Variants in GRIN2B observed in about 807,000 individuals in gnomAD.
The protein encoded by GRIN2B is glutamate receptor ionotropic, NMDA 2B.
GRIN2B carries 5 observed loss-of-function variants against 114.5 expected under a neutral mutation model. The ratio of observed to expected loss-of-function variants is 0.04; its 90% confidence interval spans 0.02 to 0.09. The LOEUF (loss-of-function observed/expected upper bound fraction) is 0.09. Ranked by LOEUF, GRIN2B falls within the 10% of genes least tolerant of loss-of-function variation. The pLI is 1.00. For synonymous variants in GRIN2B, 787 were observed against 745.1 expected, an observed-to-expected ratio of 1.06 and a Z score of -0.92; for missense variants, 1,108 against 1,943.5, an observed-to-expected ratio of 0.57 and a Z score of 8.08.
rs188453243 is a variant in GRIN2B, at chr12:13,538,006, T to C, written c.*24777A>G. On this transcript the variant is annotated 3_prime_UTR_variant, in exon 14 of 14. Transcript: ENST00000609686. ...CCCATCTTCTTGGTCATTCCAGAAT[T>C]CCACAAGAAATTTCTTTCAGAGGAT... 17 of 152,350 alleles carry C rather than the reference T, an allele frequency of 1.1e-4. No individual in the cohort carries two copies. The highest frequency in any genetic ancestry group is 3.4e-4 in the African/African-American group (14 of 41,580). 9.4% of individuals were successfully genotyped at this position (152,350 alleles called of 1,614,324 possible). A position where few individuals can be genotyped will look rare whatever the true frequency, so the allele number is the denominator to read the frequency against.
chr12:13,759,423 A>G (rs1331541470), intron 3 of GRIN2B, among the ~76,000 whole-genome samples: 1 of 152,214 alleles, frequency 6.6e-6, no homozygotes, highest in Non-Finnish European at 1.5e-5. Flanking sequence ...TGTTGTAGCC[A>G]GCCAGAGTGG....
chr12:13,963,982 T>G lies in GRIN2B; in HGVS notation c.-19+15946A>C, dbSNP rs1246303014. Among the ~76,000 whole-genome samples, 4 of 152,090 alleles carry G rather than the reference T, an allele frequency of 2.6e-5. No homozygotes were observed. The East Asian group carries it at 7.7e-4, about 29-fold the overall frequency. On this transcript the variant is annotated intron_variant, in intron 2 of 13. Coordinates refer to ENST00000609686, the MANE Select transcript of GRIN2B (RefSeq NM_000834.5). The stretch of plus-strand genomic sequence containing the variant: ...GAGGGGAGGAGAACCTTACGAGAAA[T>G]TTTAAGAAATCTTCACCCTGGGGTC...
intron 3 of GRIN2B, among the ~76,000 whole-genome samples, chr12:13,838,918 C>T (rs1490311775): frequency 6.6e-6 from 1 of 152,214 alleles, no homozygotes; most frequent in Non-Finnish European, 1.5e-5. Context: ...CATTCACATA[C>T]TCATGTTCAC....
intron 4 of GRIN2B, among the ~76,000 whole-genome samples, chr12:13,689,468 C>G (rs1950197342): frequency 6.6e-6 from 1 of 152,152 alleles, no homozygotes; most frequent in Non-Finnish European, 1.5e-5. Flanking sequence ...TCCAAAACTT[C>G]CCTTTCTTTA....
intron 2 of GRIN2B, among the ~76,000 whole-genome samples, chr12:13,898,724 C>A (rs377253506): frequency 1.3e-5 from 2 of 152,160 alleles, no homozygotes; most frequent in African/African-American, 4.8e-5. Flanking sequence ...CCAGCCTGAC[C>A]GACATGGAGA....
chr12:13,958,347 C>A (rs1353056271), intron 2 of GRIN2B, among the ~76,000 whole-genome samples: 1 of 152,198 alleles, frequency 6.6e-6, no homozygotes, highest in Non-Finnish European at 1.5e-5. Flanking sequence ...CAAACGCCAG[C>A]ACAGTCCTGA....
intron 3 of GRIN2B, among the ~76,000 whole-genome samples, chr12:13,795,560 T>A (rs1225084994): frequency 6.6e-6 from 1 of 152,222 alleles, no homozygotes; most frequent in Non-Finnish European, 1.5e-5. Flanking sequence ...AAATACCATT[T>A]GACCCAGCGA....
chr12:13,927,493 A>G (rs1347933755), intron 2 of GRIN2B, among the ~76,000 whole-genome samples: 1 of 152,176 alleles, frequency 6.6e-6, no homozygotes, highest in Non-Finnish European at 1.5e-5. Context: ...CTACTAAACA[A>G]GCAGATGTGG....
intron 3 of GRIN2B, among the ~76,000 whole-genome samples, chr12:13,773,083 G>A (rs1863937036): frequency 6.6e-6 from 1 of 152,118 alleles, no homozygotes. Context: ...GGGTTGGAGG[G>A]GACAGTTAGA....
chr12:13,752,479 T>C (rs566347609), intron 4 of GRIN2B, among the ~76,000 whole-genome samples: 2 of 152,352 alleles, frequency 1.3e-5, no homozygotes, highest in African/African-American at 4.8e-5. Context: ...TCACTTTTAT[T>C]TCTAAAACAC....
chr12:13,889,233 T>C (rs757777737), intron 2 of GRIN2B, among the ~76,000 whole-genome samples: 5 of 152,180 alleles, frequency 3.3e-5, no homozygotes, highest in Non-Finnish European at 7.3e-5. Context: ...CTTAGCTCCA[T>C]TATCATCTTA....
chr12:13,563,365 C>G lies in GRIN2B; in HGVS notation c.3873G>C (p.Gln1291His). The change falls in exon 14 of 14, where the codon CAG becomes CAC. Residue 1291 changes from glutamine to histidine, a missense_variant. Physicochemically the swap from Gln to His is conservative, Grantham distance 24. Coordinates refer to ENST00000609686, the MANE Select transcript of GRIN2B (RefSeq NM_000834.5). Reference protein sequence around the residue: ...YPQSPTNSKAQKKNRNKLRRQ... With the variant: ...YPQSPTNSKAHKKNRNKLRRQ... Reference sequence around the variant, plus strand: ...GGCGCAGTTTGTTCCGGTTCTTCTTCTGGGCCTTGGAATTAGTCGGGCTCT... The same window carrying G: ...GGCGCAGTTTGTTCCGGTTCTTCTTGTGGGCCTTGGAATTAGTCGGGCTCT... The G allele has an allele frequency of 6.2e-7, 1 of 1,614,218 alleles. No homozygotes were observed. The highest frequency in any genetic ancestry group is 8.5e-7 in the Non-Finnish European group (1 of 1,180,050).
At chr12:13,737,205 A>G (rs1319864889) in intron 4 of GRIN2B, among the ~76,000 whole-genome samples, 1 of 151,774 alleles carries the variant, frequency 6.6e-6, no homozygotes, top group Non-Finnish European at 1.5e-5. Context: ...AAGCTCATAT[A>G]ATATCTTTTT....
chr12:13,708,599 T>C (rs1207651812), intron 4 of GRIN2B, among the ~76,000 whole-genome samples: 2 of 152,066 alleles, frequency 1.3e-5, no homozygotes, highest in Non-Finnish European at 2.9e-5. Context: ...AGAGGAGACA[T>C]TGAATTTGTG....
chr12:13,572,419 G>T (rs1255406426), intron 10 of GRIN2B, among the ~76,000 whole-genome samples: 2 of 152,166 alleles, frequency 1.3e-5, no homozygotes, highest in East Asian at 3.8e-4. Context: ...TTAGTGAGGT[G>T]AGCTATGTGG....
At chr12:13,599,023 A>T (rs1010676203) in intron 10 of GRIN2B, among the ~76,000 whole-genome samples, 2 of 151,386 alleles carry the variant, frequency 1.3e-5, no homozygotes, top group Admixed American at 6.6e-5. Context: ...TCTTCTCTCC[A>T]CTCTGGCCAT....
At chr12:13,980,811 C>T (rs148713100) in intron 1 of GRIN2B, among the ~76,000 whole-genome samples, 1 of 152,224 alleles carries the variant, frequency 6.6e-6, no homozygotes, top group African/African-American at 2.4e-5. Context: ...GCAGCAGCGC[C>T]GCCTCCCACC....
rs564181904 is a variant in GRIN2B, at chr12:13,786,835, T to C, written c.412-32920A>G. Among the ~76,000 whole-genome samples, 15 of 152,276 alleles carry C rather than the reference T, an allele frequency of 9.9e-5. No individual in the cohort carries two copies. In the South Asian group the frequency reaches 2.7e-3, roughly 27 times the overall value. ...GTTGTCCACTCCCTTTCTTTGTCCA[T>C]GCAGGCTGCGCTGCAGGTGGGGGCT... On this transcript the variant is annotated intron_variant, in intron 3 of 13. Coordinates refer to ENST00000609686, the MANE Select transcript of GRIN2B (RefSeq NM_000834.5).
At chr12:13,590,681 C>G (rs559283570) in intron 10 of GRIN2B, among the ~76,000 whole-genome samples, 1 of 152,070 alleles carries the variant, frequency 6.6e-6, no homozygotes, top group African/African-American at 2.4e-5. Flanking sequence ...CAAGTCTTTG[C>G]TATTGTAAAT....
Sources: gnomAD v4.1 joint callset for allele counts (sites outside exome capture counted in the v4.1 genomes callset) on GRCh38, gnomAD v4.1.1 for gene constraint, MANE v1.5 for transcripts, NCBI Gene and HGNC (gene_info 2026-07-23, HGNC 2026-07-21) for gene names.